Variants in SRCAP observed in about 807,000 individuals in gnomAD.
SRCAP encodes the protein Snf2 related CREBBP activator protein.
Under a neutral mutation model 263.1 loss-of-function variants are expected in SRCAP, and 46 were observed. That is an observed-to-expected ratio of 0.17 (90% confidence interval 0.14 to 0.22). The LOEUF (loss-of-function observed/expected upper bound fraction) is 0.22, where lower values mean the gene tolerates loss of function less well. Ranked by LOEUF, SRCAP falls within the 10% of genes least tolerant of loss-of-function variation. The probability of loss-of-function intolerance (pLI) is 1.00; values close to 1 mark genes in which losing one functional copy is unlikely to be tolerated. For synonymous variants in SRCAP, 1,813 were observed against 1,662.1 expected (o/e 1.09, Z -2.21); for missense variants, 3,695 against 4,181.9 (o/e 0.88, Z 3.21).
Position 30,739,197 on chromosome 16 carries a change from A to G in SRCAP, c.9157A>G (p.Ser3053Gly), listed in dbSNP as rs755985439. The change falls in exon 34 of 34, where the codon AGT becomes GGT. Residue 3053 changes from serine to glycine, a missense_variant. By Grantham distance (56) the Ser-to-Gly change is moderately conservative. This residue lies in a region of SRCAP where 1,207 missense variants were observed against 1,142.9 expected (regional missense o/e 1.06). Transcript: ENST00000262518. ...QPQGQGESEG[S>G]SSDEDGSRPL... ...CCAGGGCCAAGGGGAGAGTGAGGGT[A>G]GTTCCTCTGATGAGGATGGAAGCCG... 13 of 1,613,788 alleles carry G rather than the reference A, an allele frequency of 8.1e-6. No individual in the cohort carries two copies. The highest frequency in any genetic ancestry group is 1.1e-5 in the Non-Finnish European group (13 of 1,180,020).
rs1273074072 is a variant in SRCAP, at chr16:30,704,110, C to T, written c.101C>T (p.Ser34Leu). Reference sequence around the variant, plus strand: ...GGCAGCAATCCTGTGTCCCCTGCCTCATCCAGTTCCCCAGCCTCTAGTGGG... The same window carrying T: ...GGCAGCAATCCTGTGTCCCCTGCCTTATCCAGTTCCCCAGCCTCTAGTGGG... ...MTGSNPVSPASSSSPASSGAG... is the reference protein window; with the variant it reads ...MTGSNPVSPALSSSPASSGAG... Residue 34 changes from serine to leucine, a missense_variant, in exon 4 of 34, where the codon TCA becomes TTA. By Grantham distance (145) the Ser-to-Leu change is moderately radical (BLOSUM62 -2). Around this residue, in one of 12 missense-constraint regions of SRCAP, gnomAD observed 122 missense variants for 116.9 expected, o/e 1.04. Coordinates refer to ENST00000262518, the MANE Select transcript of SRCAP (RefSeq NM_006662.3). 8 of 1,614,164 alleles carry T rather than the reference C, an allele frequency of 5.0e-6. No individual in the cohort carries two copies. The highest frequency in any genetic ancestry group is 5.9e-6 in the Non-Finnish European group (7 of 1,180,022).
intron 18 of SRCAP, among the ~76,000 whole-genome samples, chr16:30,719,913 G>A (rs1332042636): frequency 6.6e-6 from 1 of 152,176 alleles, no homozygotes; most frequent in Non-Finnish European, 1.5e-5. Context: ...TACTCAGGTT[G>A]TGAGCATGGT....
rs780703722 is a variant in SRCAP, at chr16:30,724,993, C to A, written c.5569C>A (p.Pro1857Thr). The part of the protein sequence containing the change: ...EPDTLTLRSG[P>T]PSPPSTATSF... Reference sequence around the variant, plus strand: ...TGACACACTGACATTGCGCTCTGGTCCCCCCAGCCCTCCCTCCACTGCTAC... The same window carrying A: ...TGACACACTGACATTGCGCTCTGGTACCCCCAGCCCTCCCTCCACTGCTAC... Residue 1857 changes from proline to threonine, a missense_variant, in exon 25 of 34, where the codon CCC becomes ACC. Pro to Thr is a conservative substitution (Grantham distance 38). This residue lies in a region of SRCAP where 1,347 missense variants were observed against 1,304.4 expected (regional missense o/e 1.03). Coordinates refer to ENST00000262518, the MANE Select transcript of SRCAP (RefSeq NM_006662.3). The A allele has an allele frequency of 1.2e-6, 2 of 1,613,882 alleles. No individual in the cohort carries two copies. Among genetic ancestry groups the A allele is most frequent in the Non-Finnish European group, 1.7e-6 (2 of 1,179,980 alleles).
rs763187280 is a variant in SRCAP at position 30,723,166 on chromosome 16, C to G, written c.4096C>G (p.Pro1366Ala). 2 of 1,614,142 alleles carry G rather than the reference C, an allele frequency of 1.2e-6. No individual in the cohort carries two copies. Among genetic ancestry groups the G allele is most frequent in the Non-Finnish European group, 1.7e-6 (2 of 1,180,026 alleles). ...PTLGTARAPM[P>A]TPTLVRPLLK... is the part of the protein sequence containing the mutation. The stretch of plus-strand genomic sequence containing the variant: ...TCTGGGTACTGCTCGAGCCCCCATG[C>G]CCACACCCACTCTGGTGAGGCCTCT... The change falls in exon 24 of 34, where the codon CCC (proline) becomes GCC (alanine). Residue 1366 changes from proline (P) to alanine (A), a missense_variant. By Grantham distance (27) the Pro-to-Ala change is conservative. Around this residue, in one of 12 missense-constraint regions of SRCAP, gnomAD observed 1,347 missense variants for 1,304.4 expected, o/e 1.03. Transcript: ENST00000262518.
chr16:30,729,298 C>T (rs2053091496), intron 26 of SRCAP, 67 bp downstream of exon 26: 33 of 1,603,398 alleles, frequency 2.1e-5, no homozygotes, highest in Non-Finnish European at 2.8e-5. Flanking sequence ...GTGCTTAGGG[C>T]TGGTGAAGGT....
At chr16:30,703,773 T>C (rs2052795112) in intron 3 of SRCAP, among the ~76,000 whole-genome samples, 1 of 151,366 alleles carries the variant, frequency 6.6e-6, no homozygotes, top group Non-Finnish European at 1.5e-5. Flanking sequence ...GGCGGGCGCC[T>C]GTAGTCCCAG....
chr16:30,725,018 C>T lies in SRCAP; in HGVS notation c.5594C>T (p.Thr1865Ile). 1.2e-6 allele frequency: 2 copies of T among 1,614,118 alleles called. No individual in the cohort carries two copies. The highest frequency in any genetic ancestry group is 1.7e-6 in the Non-Finnish European group (2 of 1,179,996). Residue 1865 changes from threonine to isoleucine, a missense_variant, in exon 25 of 34, where the codon ACC becomes ATC. Coordinates refer to ENST00000262518, the MANE Select transcript of SRCAP (RefSeq NM_006662.3). ...SGPPSPPSTA[T>I]SFGGPRPRRQ... is the part of the protein sequence containing the mutation. ...CCCCCCAGCCCTCCCTCCACTGCTA[C>T]CTCGTTTGGTGGCCCCCGGCCTCGA...
intron 31 of SRCAP, among the ~76,000 whole-genome samples, chr16:30,735,363 G>T (rs1041245827): frequency 1.9e-4 from 28 of 150,938 alleles, no homozygotes; most frequent in African/African-American, 5.6e-4. Context: ...AGCCGGGATG[G>T]TCTCGATCTC....
chr16:30,725,422 T>G, intron 25 of SRCAP: 1 of 276,718 alleles, frequency 3.6e-6, no homozygotes, highest in Non-Finnish European at 7.0e-6. Context: ...TCCTGTACTA[T>G]GTATATAGGC....
chr16:30,721,238 G>T lies in SRCAP; in HGVS notation c.3303G>T (p.Thr1101=), dbSNP rs146926872. The change falls in exon 21 of 34, where the codon ACG becomes ACT. Residue 1101 remains threonine (T), a synonymous_variant. Coordinates refer to ENST00000262518, the MANE Select transcript of SRCAP (RefSeq NM_006662.3). ...GVLSGTSRPP[T]PTLSLKPTPP... ...TGAGTGGGACCTCACGGCCTCCCAC[G>T]CCAACCTTGTCCCTAAAGCCAACAC... is the stretch of plus-strand genomic sequence containing the variant. 1.2e-6 allele frequency: 2 copies of T among 1,613,690 alleles called. No homozygotes were observed. Among genetic ancestry groups the T allele is most frequent in the African/African-American group, 2.7e-5 (2 of 75,000 alleles).
chr16:30,702,761 AC>A (rs2052782694), intron 3 of SRCAP, among the ~76,000 whole-genome samples: 1 of 148,804 alleles, frequency 6.7e-6, no homozygotes, highest in Non-Finnish European at 1.5e-5. Context: ...TCACGCCACC[AC>A]ACGTGGCTAA....
chr16:30,728,502 C>G (rs1370218209), intron 25 of SRCAP, among the ~76,000 whole-genome samples: 1 of 152,202 alleles, frequency 6.6e-6, no homozygotes, highest in East Asian at 1.9e-4. Context: ...CCATTCCACC[C>G]CATTCCAGTC....
chr16:30,738,828 C>T lies in SRCAP; in HGVS notation c.8788C>T (p.Leu2930Phe), dbSNP rs1426938262. The change falls in exon 34 of 34, where the codon CTC becomes TTC. Residue 2930 changes from leucine to phenylalanine, a missense_variant. This residue lies in a region of SRCAP where 1,207 missense variants were observed against 1,142.9 expected (regional missense o/e 1.06). Transcript: ENST00000262518. ...GPQPVHRPNP[L>F]LSPVEKRRRG... is the part of the protein sequence containing the mutation. The stretch of plus-strand genomic sequence containing the variant: ...CCAGCCAGTTCACAGACCCAATCCC[C>T]TCCTGTCACCTGTGGAGAAAAGAAG... The T allele has an allele frequency of 1.9e-6, 3 of 1,614,132 alleles. No homozygotes were observed. Among genetic ancestry groups the T allele is most frequent in the Non-Finnish European group, 1.7e-6 (2 of 1,180,004 alleles).
At position 30,724,261 on chromosome 16, in the gene SRCAP, G is replaced by A. The variant is rs777280625; in HGVS notation, c.4837G>A (p.Ala1613Thr). ...TCCTCTGGCTCCTCTTCCGGTCCTGGCACCATCGCCAGGTGCTGCTCCTGT... is the reference window on the plus strand; with the variant it reads ...TCCTCTGGCTCCTCTTCCGGTCCTGACACCATCGCCAGGTGCTGCTCCTGT... Reference protein sequence around the residue: ...APPLAPLPVLAPSPGAAPVLA... With the variant: ...APPLAPLPVLTPSPGAAPVLA... The change falls in exon 25 of 34, where the codon GCA becomes ACA. Residue 1613 changes from alanine to threonine, a missense_variant. Transcript: ENST00000262518. 4 of 1,613,982 alleles carry A rather than the reference G, an allele frequency of 2.5e-6. No individual in the cohort carries two copies. Among genetic ancestry groups the A allele is most frequent in the South Asian group, 2.2e-5 (2 of 91,070 alleles).
At chr16:30,717,610 CTTTTT>C (rs34512915) in intron 18 of SRCAP, among the ~76,000 whole-genome samples, 1 of 91,146 alleles carries the variant, frequency 1.1e-5, no homozygotes, top group East Asian at 3.4e-4. Flanking sequence ...CCAAGCCTGG[CTTTTT>C]TTTTTTTTTT....
chr16:30,725,134 T>C (rs1377018836), intron 25 of SRCAP, 52 bp downstream of exon 25: 1 of 1,551,968 alleles, frequency 6.4e-7, no homozygotes, highest in Non-Finnish European at 8.7e-7. Flanking sequence ...CTTTGGAGTG[T>C]TGGTAGGGTG....
chr16:30,711,280 A>T (rs530835003), intron 10 of SRCAP, among the ~76,000 whole-genome samples, 192 bp downstream of exon 10: 1 of 152,346 alleles, frequency 6.6e-6, no homozygotes, highest in Admixed American at 6.5e-5. Flanking sequence ...TTAAATGGTG[A>T]TGTGGGAGTG....
chr16:30,711,339 G>A (rs1219961081), intron 10 of SRCAP, among the ~76,000 whole-genome samples: 1 of 152,200 alleles, frequency 6.6e-6, no homozygotes, highest in Non-Finnish European at 1.5e-5. Context: ...CATTTGACCT[G>A]GACCTTGAGA....
intron 14 of SRCAP, 42 bp downstream of exon 14, chr16:30,712,857 C>A: frequency 6.2e-7 from 1 of 1,603,158 alleles, no homozygotes; most frequent in Non-Finnish European, 8.5e-7. Flanking sequence ...ATTGATGCCT[C>A]CTTTATTTTT....
Sources: allele counts gnomAD v4.1 joint callset (sites outside exome capture counted in the v4.1 genomes callset), GRCh38; gene constraint gnomAD v4.1.1; regional missense constraint gnomAD v4.1.1; transcripts MANE v1.5; gene names NCBI Gene and HGNC (gene_info 2026-07-23, HGNC 2026-07-21).